The following LGSN variants were observed in gnomAD, a reference collection of about 807,000 sequenced individuals.
LGSN encodes lengsin.
LGSN carries 21 observed loss-of-function variants against 19.5 expected under a neutral mutation model. The observed-to-expected ratio is 1.07, with a 90% CI of 0.76 to 1.55. The LOEUF is 1.55. Ranked by LOEUF, LGSN falls within the 40% of genes most tolerant of loss-of-function variation. The probability of loss-of-function intolerance (pLI) is 0.00; values close to 1 mark genes in which losing one functional copy is unlikely to be tolerated. For synonymous variants in LGSN, 257 were observed against 215.6 expected, an observed-to-expected ratio of 1.19 and a Z score of -1.68; for missense variants, 673 against 608.5, an observed-to-expected ratio of 1.11 and a Z score of -1.12.
intron 2 of LGSN, chr6:63,293,879 T>C (rs561943791): frequency 4.1e-5 from 17 of 410,518 alleles, no homozygotes; most frequent in South Asian, 2.8e-4. Flanking sequence ...GGAAAAATGT[T>C]AAAATATGTT....
intron 1 of LGSN, among the ~76,000 whole-genome samples, chr6:63,309,864 C>G (rs1768553180): frequency 6.6e-6 from 1 of 152,222 alleles, no homozygotes; most frequent in African/African-American, 2.4e-5. Context: ...TAGCCATTCT[C>G]TGTGCATCCA....
At chr6:63,386,709 T>C in the LGSN span, among the ~76,000 whole-genome samples, 13 of 152,302 alleles carry the variant, frequency 8.5e-5, no homozygotes, top group South Asian at 2.1e-4. Flanking sequence ...CCTGACTCAA[T>C]AAATATTTAG....
the LGSN span, among the ~76,000 whole-genome samples, chr6:63,439,370 A>G: frequency 6.6e-6 from 1 of 152,074 alleles, no homozygotes; most frequent in Non-Finnish European, 1.5e-5. Context: ...ATACAATTAA[A>G]AATAATAATA....
chr6:63,534,781 C>CTAAAGAATTTCA, the LGSN span, among the ~76,000 whole-genome samples: 4 of 137,748 alleles, frequency 2.9e-5, no homozygotes, highest in Non-Finnish European at 4.6e-5. Context: ...AATTTCTTTA[C>CTAAAGAATTTCA]TAAAGAATTT....
chr6:63,404,440 T>G, the LGSN span, among the ~76,000 whole-genome samples: 2 of 152,188 alleles, frequency 1.3e-5, no homozygotes, highest in African/African-American at 4.8e-5. Flanking sequence ...GAAATCTTAG[T>G]CTGTTCAGGT....
the LGSN span, among the ~76,000 whole-genome samples, chr6:63,489,184 G>A: frequency 6.6e-6 from 1 of 152,052 alleles, no homozygotes; most frequent in Non-Finnish European, 1.5e-5. Context: ...CTTTAACTAA[G>A]CTAAATGAGT....
In LGSN at chr6:63,288,692, A is replaced by G. The variant is rs1767647023; in HGVS notation, c.164-2939T>C. 2.0e-5 allele frequency among the ~76,000 whole-genome samples: 3 copies of G among 152,194 alleles called. No individual in the cohort carries two copies. In the South Asian group the frequency reaches 6.2e-4, roughly 32 times the overall value. On this transcript the variant is annotated intron_variant, in intron 2 of 3. Transcript: ENST00000370657. The stretch of plus-strand genomic sequence containing the variant: ...TTCTGAAGGCTAGAGGTCCGAAACC[A>G]AAGGTGTCAGCAGGATTGTTTCTTC...
the LGSN span, among the ~76,000 whole-genome samples, chr6:63,495,469 T>TTTTTTTTTTTTTTG: frequency 1.0e-4 from 12 of 119,294 alleles, no homozygotes; most frequent in African/African-American, 2.4e-4. Context: ...TTTTTTTTTT[T>TTTTTTTTTTTTTTG]TTTTTTTGAG....
chr6:63,495,461 T>TC, the LGSN span, among the ~76,000 whole-genome samples: 19 of 94,206 alleles, frequency 2.0e-4, no homozygotes, highest in African/African-American at 4.7e-4. Flanking sequence ...TTTTTCTTTT[T>TC]TTTTTTTTTT....
chr6:63,370,860 T>C, the LGSN span, among the ~76,000 whole-genome samples: 12 of 152,206 alleles, frequency 7.9e-5, no homozygotes, highest in Non-Finnish European at 1.8e-4. Context: ...AAAAAAACTT[T>C]AGAAATAGGA....
chr6:63,538,692 C>G, the LGSN span, among the ~76,000 whole-genome samples: 6 of 151,986 alleles, frequency 3.9e-5, no homozygotes, highest in African/African-American at 1.4e-4. Context: ...TAGTTTTTGC[C>G]TACAATAGTT....
the LGSN span, among the ~76,000 whole-genome samples, chr6:63,429,760 GACAGGGATT>G: frequency 6.7e-6 from 1 of 148,558 alleles, no homozygotes; most frequent in Non-Finnish European, 1.5e-5. Flanking sequence ...AAAGTCTGAA[GACAGGGATT>G]ACAGGAGCTG....
chr6:63,454,470 C>CTTTTT, the LGSN span, among the ~76,000 whole-genome samples: 14 of 118,646 alleles, frequency 1.2e-4, 1 homozygote, highest in African/African-American at 1.8e-4. Context: ...TTTACATTTT[C>CTTTTT]TTTTTTTTTT....
chr6:63,420,034 C>T, the LGSN span, among the ~76,000 whole-genome samples: 1 of 149,268 alleles, frequency 6.7e-6, no homozygotes, highest in Admixed American at 6.7e-5. Flanking sequence ...AACCCCGTCT[C>T]TACTAAAAAT....
chr6:63,411,079 A>G, the LGSN span, among the ~76,000 whole-genome samples: 2 of 152,112 alleles, frequency 1.3e-5, no homozygotes, highest in African/African-American at 4.8e-5. Context: ...AGTTCATCTC[A>G]TCTCCAAAGT....
At chr6:63,547,498 ATT>A in the LGSN span, among the ~76,000 whole-genome samples, 65 of 90,766 alleles carry the variant, frequency 7.2e-4, no homozygotes, top group Non-Finnish European at 9.2e-4. Flanking sequence ...CCAGGGGGGA[ATT>A]TTTTTTTTTT....
the LGSN span, among the ~76,000 whole-genome samples, chr6:63,349,340 C>T: frequency 6.6e-6 from 1 of 152,264 alleles, no homozygotes; most frequent in South Asian, 2.1e-4. Flanking sequence ...ATATTTGTAG[C>T]TGATGAGAAA....
chr6:63,504,022 G>A, the LGSN span, among the ~76,000 whole-genome samples: 1 of 152,056 alleles, frequency 6.6e-6, no homozygotes, highest in African/African-American at 2.4e-5. Context: ...GAAATGTGAT[G>A]TTATTAGGAA....
chr6:63,344,433 G>A, the LGSN span, among the ~76,000 whole-genome samples: 1 of 152,162 alleles, frequency 6.6e-6, no homozygotes, highest in Non-Finnish European at 1.5e-5. Flanking sequence ...GCCTTTCTGA[G>A]GAGGTTACTA....
Sources: allele counts gnomAD v4.1 joint callset (sites outside exome capture counted in the v4.1 genomes callset), GRCh38; gene constraint gnomAD v4.1.1; transcripts MANE v1.5; gene names NCBI Gene and HGNC (gene_info 2026-07-23, HGNC 2026-07-21).